ADGRL2: variants seen among roughly 807,000 people sequenced by gnomAD.
ADGRL2 encodes calcium-independent alpha-latrotoxin receptor 2.
Under a neutral mutation model 157.4 loss-of-function variants are expected in ADGRL2, and 44 were observed. The ratio of observed to expected loss-of-function variants is 0.28; its 90% CI spans 0.22 to 0.36. The LOEUF is 0.36. ADGRL2 is among the 10% of genes least tolerant of loss of function. The probability of loss-of-function intolerance (pLI) is 1.00; values close to 1 mark genes in which losing one functional copy is unlikely to be tolerated. For synonymous variants in ADGRL2, 585 were observed against 624.7 expected, an observed-to-expected ratio of 0.94 and a Z score of 0.95; for missense variants, 1,510 against 1,768.9, an observed-to-expected ratio of 0.85 and a Z score of 2.63.
intron 3 of ADGRL2, among the ~76,000 whole-genome samples, chr1:81,681,259 A>G (rs2083107542): frequency 6.6e-6 from 1 of 152,218 alleles, no homozygotes; most frequent in Non-Finnish European, 1.5e-5. Context: ...TGGAGGGCAA[A>G]GGAAGCATGT....
chr1:81,916,937 T>C (rs564365591), intron 3 of ADGRL2, among the ~76,000 whole-genome samples: 1 of 152,082 alleles, frequency 6.6e-6, no homozygotes, highest in Non-Finnish European at 1.5e-5. Flanking sequence ...GTCAGTATAC[T>C]GTATTGACTA....
At chr1:81,526,603 T>G (rs1423696649) in intron 2 of ADGRL2, among the ~76,000 whole-genome samples, 2 of 152,236 alleles carry the variant, frequency 1.3e-5, no homozygotes, top group African/African-American at 4.8e-5. Context: ...TGTTAAACTT[T>G]TAAAAGTCCC....
At chr1:81,551,302 G>A in intron 2 of ADGRL2, among the ~76,000 whole-genome samples, 1 of 151,822 alleles carries the variant, frequency 6.6e-6, no homozygotes, top group South Asian at 2.1e-4. Flanking sequence ...AGGAAGATCT[G>A]TGTATCCAAC....
chr1:81,573,224 A>G (rs1275629635), intron 2 of ADGRL2, among the ~76,000 whole-genome samples: 2 of 152,158 alleles, frequency 1.3e-5, no homozygotes, highest in African/African-American at 4.8e-5. Flanking sequence ...TATGTGACAG[A>G]ATTCAGGAGA....
intron 2 of ADGRL2, among the ~76,000 whole-genome samples, chr1:81,539,235 T>C (rs1307671841): frequency 6.6e-6 from 1 of 152,042 alleles, no homozygotes; most frequent in East Asian, 1.9e-4. Context: ...TGTAACACAA[T>C]TACCACCTCT....
At chr1:81,335,700 T>C (rs1180483592) in intron 1 of ADGRL2, among the ~76,000 whole-genome samples, 1 of 152,134 alleles carries the variant, frequency 6.6e-6, no homozygotes, top group African/African-American at 2.4e-5. Context: ...AGGAACATAA[T>C]GTATGCATTT....
intron 1 of ADGRL2, among the ~76,000 whole-genome samples, chr1:81,369,098 A>C (rs989708598): frequency 1.3e-5 from 2 of 148,194 alleles, no homozygotes; most frequent in Non-Finnish European, 3.0e-5. Flanking sequence ...GAATAATAAG[A>C]GAAAATAAAT....
At chr1:81,964,603 A>G (rs1656497304) in intron 11 of ADGRL2, among the ~76,000 whole-genome samples, 1 of 152,146 alleles carries the variant, frequency 6.6e-6, no homozygotes, top group Non-Finnish European at 1.5e-5. Flanking sequence ...ACCTAAATAT[A>G]GATGTATTTT....
chr1:81,503,085 T>G, intron 2 of ADGRL2: 1 of 1,609,878 alleles, frequency 6.2e-7, no homozygotes, highest in Middle Eastern at 1.7e-4. Flanking sequence ...CAGGGGAGCC[T>G]GCTGAGAAGA....
intron 2 of ADGRL2, among the ~76,000 whole-genome samples, chr1:81,767,861 A>G (rs1021548982): frequency 7.0e-6 from 1 of 143,798 alleles, no homozygotes. Flanking sequence ...TCTCAAAAAA[A>G]AAAAAAAGAA....
At chr1:81,670,260 C>T (rs1161159687) in intron 3 of ADGRL2, among the ~76,000 whole-genome samples, 1 of 152,200 alleles carries the variant, frequency 6.6e-6, no homozygotes, top group Non-Finnish European at 1.5e-5. Flanking sequence ...AGAGACTCTT[C>T]TCTAAATTCT....
intron 2 of ADGRL2, among the ~76,000 whole-genome samples, chr1:81,891,740 A>C (rs1470689179): frequency 6.6e-6 from 1 of 152,024 alleles, no homozygotes; most frequent in East Asian, 1.9e-4. Flanking sequence ...CGGCTTTTCA[A>C]TATAGAATGC....
intron 18 of ADGRL2, among the ~76,000 whole-genome samples, chr1:81,980,307 T>G (rs1426948543): frequency 2.6e-5 from 4 of 151,788 alleles, no homozygotes; most frequent in Non-Finnish European, 5.9e-5. Flanking sequence ...ACTTTTTGCT[T>G]TAAGGATTCT....
intron 2 of ADGRL2, among the ~76,000 whole-genome samples, chr1:81,445,936 A>AT (rs1245445669): frequency 6.6e-6 from 1 of 152,110 alleles, no homozygotes; most frequent in Non-Finnish European, 1.5e-5. Flanking sequence ...ACAAAGCTCT[A>AT]TTTTTTGATG....
chr1:81,715,625 G>A (rs961373997), intron 1 of ADGRL2, among the ~76,000 whole-genome samples: 1 of 152,010 alleles, frequency 6.6e-6, no homozygotes, highest in Non-Finnish European at 1.5e-5. Context: ...CACTTAATGC[G>A]ACATGACGTG....
rs566056684 is a variant in ADGRL2, at chr1:81,842,124, G to C, written c.73+5067G>C. On this transcript the variant is annotated intron_variant, in intron 2 of 23. Coordinates refer to ENST00000686636, the MANE Select transcript of ADGRL2 (RefSeq NM_001366006.2). ...AGCCACTGCGTATTCTATGTGCTTA[G>C]GGGTGGTTGTGGTGAGGGTAGGGGT... Among the ~76,000 whole-genome samples, 19 of 152,094 alleles carry C rather than the reference G, an allele frequency of 1.2e-4. No homozygotes were observed. The South Asian group carries it at 3.7e-3, about 30-fold the overall frequency.
rs78620957 is a variant in ADGRL2 at position 81,838,123 on chromosome 1, A to G, written c.73+1066A>G. 5.8e-3 allele frequency among the ~76,000 whole-genome samples: 877 copies of G among 152,114 alleles called. 3 individuals carry two copies. Among genetic ancestry groups the G allele is most frequent in the African/African-American group, 0.02 (825 of 41,534 alleles). On this transcript the variant is annotated intron_variant, in intron 2 of 23. Coordinates refer to ENST00000686636, the MANE Select transcript of ADGRL2 (RefSeq NM_001366006.2). ...GCATACTGTCAACTAATAGAAGTGT[A>G]TTATTCCGTTGTCTGTGTAATAAGC...
At chr1:81,493,320 T>C (rs563219645) in intron 2 of ADGRL2, among the ~76,000 whole-genome samples, 1 of 152,296 alleles carries the variant, frequency 6.6e-6, no homozygotes, top group Admixed American at 6.5e-5. Flanking sequence ...AAAGCCAAAC[T>C]TGTAGGGAAA....
intron 1 of ADGRL2, among the ~76,000 whole-genome samples, chr1:81,753,516 C>T (rs1308414991): frequency 6.6e-6 from 1 of 152,088 alleles, no homozygotes; most frequent in Non-Finnish European, 1.5e-5. Context: ...AAAATGAGAG[C>T]ATCAAGTAAA....
Sources: gnomAD v4.1 joint callset for allele counts (sites outside exome capture counted in the v4.1 genomes callset) on GRCh38, gnomAD v4.1.1 for gene constraint, MANE v1.5 for transcripts, NCBI Gene and HGNC (gene_info 2026-07-23, HGNC 2026-07-21) for gene names.